Variants in DEPTOR observed in about 807,000 individuals in gnomAD.
The protein encoded by DEPTOR is DEP domain-containing mTOR-interacting protein.
DEPTOR carries 41 observed loss-of-function variants against 41.6 expected under a neutral mutation model. The observed-to-expected ratio is 0.98, with a 90% CI of 0.77 to 1.28. The LOEUF is 1.28. Ranked by LOEUF, DEPTOR falls within the 50% of genes most tolerant of loss-of-function variation. The pLI is 0.00. For synonymous variants in DEPTOR, 195 were observed against 192.3 expected (o/e 1.01, Z -0.12); for missense variants, 514 against 527.9 (o/e 0.97, Z 0.26).
intron 1 of DEPTOR, among the ~76,000 whole-genome samples, chr8:119,902,286 G>A (rs541996107): frequency 6.6e-5 from 10 of 152,258 alleles, no homozygotes; most frequent in African/African-American, 2.4e-4. Flanking sequence ...GAAACTAAGT[G>A]ACTTGGCCAT....
At chr8:119,929,773 A>AT (rs369678043) in intron 2 of DEPTOR, 42 bp from the exon 3 acceptor site, 19 of 1,563,000 alleles carry the variant, frequency 1.2e-5, no homozygotes, top group South Asian at 5.9e-5. Flanking sequence ...AATAAGAGCG[A>AT]TTTTTTTTCT....
At chr8:120,040,216 G>C (rs994333304) in intron 8 of DEPTOR, among the ~76,000 whole-genome samples, 2 of 152,164 alleles carry the variant, frequency 1.3e-5, no homozygotes, top group South Asian at 4.1e-4. Context: ...TGCTCATGGT[G>C]AAAGAATGCT....
intron 4 of DEPTOR, among the ~76,000 whole-genome samples, chr8:119,993,265 C>T (rs1430485507): frequency 1.3e-5 from 2 of 152,160 alleles, no homozygotes; most frequent in East Asian, 1.9e-4. Context: ...TTTTCTTTGA[C>T]CAAATAGTGA....
intron 8 of DEPTOR, among the ~76,000 whole-genome samples, chr8:120,038,817 G>A (rs1218024223): frequency 6.6e-6 from 1 of 151,994 alleles, no homozygotes; most frequent in Non-Finnish European, 1.5e-5. Flanking sequence ...CTGTGAACTT[G>A]GGCCAATTAC....
At chr8:119,990,089 C>G (rs903271252) in intron 4 of DEPTOR, among the ~76,000 whole-genome samples, 11 of 152,294 alleles carry the variant, frequency 7.2e-5, no homozygotes, top group African/African-American at 2.6e-4. Flanking sequence ...ACCCCTTGTT[C>G]TGCATGTTAT....
intron 1 of DEPTOR, among the ~76,000 whole-genome samples, chr8:119,875,377 G>A (rs1369542844): frequency 6.6e-6 from 1 of 152,128 alleles, no homozygotes; most frequent in East Asian, 1.9e-4. Context: ...AAGAAGGCGG[G>A]GGTGACTTCA....
chr8:119,957,683 G>T (rs918551436), intron 3 of DEPTOR, among the ~76,000 whole-genome samples: 6 of 151,686 alleles, frequency 4.0e-5, no homozygotes, highest in African/African-American at 1.2e-4. Context: ...CCGCCTCCTG[G>T]GTTCAAGCGA....
intron 1 of DEPTOR, among the ~76,000 whole-genome samples, chr8:119,901,964 T>C (rs1239202435): frequency 6.6e-6 from 1 of 152,196 alleles, no homozygotes; most frequent in East Asian, 1.9e-4. Flanking sequence ...CTTGATTTTA[T>C]TTTTGTGCTA....
rs779336812 is a variant in DEPTOR at position 119,929,912 on chromosome 8, T to A, written c.399T>A (p.Phe133Leu). The A allele has an allele frequency of 1.5e-5, 25 of 1,613,644 alleles. 1 individual carries two copies. In the South Asian group the frequency reaches 2.6e-4, roughly 17 times the overall value. Residue 133 changes from phenylalanine (F) to leucine (L), a missense_variant, in exon 3 of 9, where the codon TTT becomes TTA. Transcript: ENST00000286234. ...TFPLDNEVKA[F>L]MRGQRLYEKL... ...CATTGGATAATGAAGTGAAGGCCTT[T>A]ATGAGAGGACAGAGGCTATATGAAA... is the stretch of plus-strand genomic sequence containing the variant.
chr8:119,964,239 G>A (rs1828526987), intron 3 of DEPTOR, among the ~76,000 whole-genome samples: 1 of 152,052 alleles, frequency 6.6e-6, no homozygotes, highest in African/African-American at 2.4e-5. Flanking sequence ...ACGGACCGCT[G>A]GGCACGGTGG....
intron 8 of DEPTOR, among the ~76,000 whole-genome samples, chr8:120,031,047 T>C (rs937902205): frequency 1.5e-4 from 23 of 152,090 alleles, no homozygotes; most frequent in Non-Finnish European, 4.4e-5. Flanking sequence ...TTAAAAATAC[T>C]AGTGAGGCAC....
intron 4 of DEPTOR, among the ~76,000 whole-genome samples, chr8:119,996,086 G>A (rs1187647278): frequency 6.6e-6 from 1 of 152,154 alleles, no homozygotes; most frequent in African/African-American, 2.4e-5. Flanking sequence ...TTTGTATGCT[G>A]AGAGAACTCG....
At chr8:119,916,942 A>AT (rs1298506896) in intron 1 of DEPTOR, among the ~76,000 whole-genome samples, 2 of 152,094 alleles carry the variant, frequency 1.3e-5, no homozygotes, top group Non-Finnish European at 2.9e-5. Flanking sequence ...TAATTTTTAA[A>AT]TTTTTGTTGC....
chr8:119,940,407 C>T (rs1469949043), intron 3 of DEPTOR, among the ~76,000 whole-genome samples: 2 of 152,080 alleles, frequency 1.3e-5, no homozygotes, highest in Non-Finnish European at 2.9e-5. Flanking sequence ...AATGAATAAA[C>T]AAAATGTGAT....
chr8:119,927,176 AC>A (rs1702602726), intron 1 of DEPTOR, among the ~76,000 whole-genome samples: 1 of 152,124 alleles, frequency 6.6e-6, no homozygotes, highest in African/African-American at 2.4e-5. Context: ...AAGTTCTGGA[AC>A]CACTGGGTGC....
At chr8:119,924,467 G>A (rs1191849466) in intron 1 of DEPTOR, among the ~76,000 whole-genome samples, 1 of 152,000 alleles carries the variant, frequency 6.6e-6, no homozygotes, top group Non-Finnish European at 1.5e-5. Context: ...CATTGACTTA[G>A]CAACAAGGCT....
At chr8:120,006,263 C>A (rs868698402) in intron 6 of DEPTOR, among the ~76,000 whole-genome samples, 1 of 152,096 alleles carries the variant, frequency 6.6e-6, no homozygotes, top group Non-Finnish European at 1.5e-5. Flanking sequence ...GCGGCTCATG[C>A]GTGTAATCCC....
chr8:119,988,372 C>A (rs891470644), intron 4 of DEPTOR, among the ~76,000 whole-genome samples: 1 of 152,168 alleles, frequency 6.6e-6, no homozygotes, highest in African/African-American at 2.4e-5. Context: ...TGAGATGAAC[C>A]GGGTACCTCA....
chr8:119,995,665 A>G lies in DEPTOR; in HGVS notation c.605-5860A>G, dbSNP rs148919740. On this transcript the variant is annotated intron_variant, in intron 4 of 8. Transcript: ENST00000286234. The stretch of plus-strand genomic sequence containing the variant: ...GCATAAAAATTGTCAATAAAGTTCC[A>G]ACTTAATTGCCATGTTCTTGTGTGA... Among the ~76,000 whole-genome samples, 334 of 152,260 alleles carry G rather than the reference A, an allele frequency of 2.2e-3. 2 individuals are homozygous for G. The highest frequency in any genetic ancestry group is 7.8e-3 in the African/African-American group (324 of 41,568).
Sources: allele counts gnomAD v4.1 joint callset (sites outside exome capture counted in the v4.1 genomes callset), GRCh38; gene constraint gnomAD v4.1.1; transcripts MANE v1.5; gene names NCBI Gene and HGNC (gene_info 2026-07-23, HGNC 2026-07-21).